IGF1R: variants seen among roughly 807,000 people sequenced by gnomAD.
IGF1R encodes insulin-like growth factor 1 receptor.
Under a neutral mutation model 144.6 loss-of-function variants are expected in IGF1R, and 44 were observed. The ratio of observed to expected loss-of-function variants is 0.30; its 90% CI spans 0.24 to 0.39. The LOEUF (loss-of-function observed/expected upper bound fraction) is 0.39. IGF1R is among the 10% of genes least tolerant of loss of function. IGF1R has a pLI of 1.00. For synonymous variants in IGF1R, 795 were observed against 722.8 expected, an observed-to-expected ratio of 1.10 and a Z score of -1.60; for missense variants, 1,355 against 1,833.7, an observed-to-expected ratio of 0.74 and a Z score of 4.77.
At chr15:98,916,235 C>A (rs1245221467) in intron 9 of IGF1R, 104 bp downstream of exon 9, 20 of 1,003,624 alleles carry the variant, frequency 2.0e-5, no homozygotes, top group Non-Finnish European at 2.7e-5. Flanking sequence ...CAGTGTAGTT[C>A]TCCATTGGAA....
intron 2 of IGF1R, among the ~76,000 whole-genome samples, chr15:98,884,255 T>C (rs895757077): frequency 1.3e-5 from 2 of 152,206 alleles, no homozygotes; most frequent in Non-Finnish European, 2.9e-5. Flanking sequence ...TCCATCCATC[T>C]GCTGACCACA....
At chr15:98,835,104 C>CCCCT (rs2057072727) in intron 2 of IGF1R, among the ~76,000 whole-genome samples, 24 of 150,324 alleles carry the variant, frequency 1.6e-4, no homozygotes, top group African/African-American at 5.6e-4. Flanking sequence ...CACACACACA[C>CCCCT]ACACACCCCT....
chr15:98,936,615 T>TA (rs2016160272), intron 17 of IGF1R, among the ~76,000 whole-genome samples: 1 of 90,190 alleles, frequency 1.1e-5, no homozygotes, highest in African/African-American at 3.4e-5. Context: ...TTGGGCTTAA[T>TA]TTTTTTTTTT....
chr15:98,774,536 C>G (rs1372359289), intron 2 of IGF1R, among the ~76,000 whole-genome samples: 1 of 152,180 alleles, frequency 6.6e-6, no homozygotes, highest in Non-Finnish European at 1.5e-5. Context: ...GACATTCTGA[C>G]ACATGCAACA....
chr15:98,661,201 T>C (rs2052590000), intron 1 of IGF1R, among the ~76,000 whole-genome samples: 1 of 152,192 alleles, frequency 6.6e-6, no homozygotes, highest in Non-Finnish European at 1.5e-5. Context: ...GCCTCACTCC[T>C]GGGAGGGACA....
intron 2 of IGF1R, among the ~76,000 whole-genome samples, chr15:98,741,205 G>A: frequency 9.7e-6 from 1 of 102,910 alleles, no homozygotes; most frequent in African/African-American, 4.0e-5. Context: ...TTGCAGTTCT[G>A]TTGATATGGC....
chr15:98,774,763 G>A (rs74032597), intron 2 of IGF1R, among the ~76,000 whole-genome samples: 196 of 152,244 alleles, frequency 1.3e-3, no homozygotes, highest in African/African-American at 4.0e-3. Flanking sequence ...AAGTTCTGGA[G>A]GTGGCTGGCG....
chr15:98,819,492 G>C (rs1304051172), intron 2 of IGF1R, among the ~76,000 whole-genome samples: 1 of 152,052 alleles, frequency 6.6e-6, no homozygotes, highest in African/African-American at 2.4e-5. Flanking sequence ...GGTGCCCTCC[G>C]TGAACCAGAA....
At position 98,851,236 on chromosome 15, in the gene IGF1R, C is replaced by T. The variant is rs565152859; in HGVS notation, c.641-40089C>T. On this transcript the variant is annotated intron_variant, in intron 2 of 20. Transcript: ENST00000650285. Reference sequence around the variant, plus strand: ...TGCTTGGAGAGGAGGGGGTGCTTTACATGCCAGGCGGGCAGGGCCGGGGTG... The same window carrying T: ...TGCTTGGAGAGGAGGGGGTGCTTTATATGCCAGGCGGGCAGGGCCGGGGTG... Among the ~76,000 whole-genome samples, 3 of 152,252 alleles carry T rather than the reference C, an allele frequency of 2.0e-5. No homozygotes were observed. In the South Asian group the frequency reaches 6.2e-4, roughly 32 times the overall value.
At chr15:98,680,574 C>T (rs950219052) in intron 1 of IGF1R, among the ~76,000 whole-genome samples, 6 of 151,454 alleles carry the variant, frequency 4.0e-5, no homozygotes, top group South Asian at 4.2e-4. Flanking sequence ...CCTTTTGTTT[C>T]GTTTTTAAGA....
chr15:98,874,565 A>T (rs1361035251), intron 2 of IGF1R, among the ~76,000 whole-genome samples: 1 of 152,216 alleles, frequency 6.6e-6, no homozygotes, highest in East Asian at 1.9e-4. Context: ...GTGGGCTCAG[A>T]GGCTGGGGAC....
chr15:98,822,239 C>G, intron 2 of IGF1R, among the ~76,000 whole-genome samples: 1 of 152,106 alleles, frequency 6.6e-6, no homozygotes. Context: ...CAAGTCATCT[C>G]GTGTGGTGCA....
At chr15:98,953,910 A>G (rs1247860686) in intron 20 of IGF1R, among the ~76,000 whole-genome samples, 1 of 152,182 alleles carries the variant, frequency 6.6e-6, no homozygotes, top group Non-Finnish European at 1.5e-5. Context: ...AGTTAGCCCC[A>G]GTAAGCTCAC....
chr15:98,769,953 T>C (rs1461723915), intron 2 of IGF1R, among the ~76,000 whole-genome samples: 1 of 152,206 alleles, frequency 6.6e-6, no homozygotes, highest in Non-Finnish European at 1.5e-5. Flanking sequence ...CGGTGAGTGT[T>C]AATCTCCCGC....
At chr15:98,678,777 G>A (rs2053112383) in intron 1 of IGF1R, among the ~76,000 whole-genome samples, 1 of 152,122 alleles carries the variant, frequency 6.6e-6, no homozygotes, top group South Asian at 2.1e-4. Flanking sequence ...ACCTGCCTTC[G>A]CCTCCCAAGG....
At chr15:98,650,876 G>A in intron 1 of IGF1R, 1 of 982,000 alleles carries the variant, frequency 1.0e-6, no homozygotes, top group Non-Finnish European at 1.2e-6. Context: ...TTTTGGTGGT[G>A]TCGGGTGGGG....
At chr15:98,685,580 C>T (rs545472269) in intron 1 of IGF1R, among the ~76,000 whole-genome samples, 1 of 152,326 alleles carries the variant, frequency 6.6e-6, no homozygotes, top group African/African-American at 2.4e-5. Context: ...GTGGCTCTTT[C>T]CACGACTGGC....
intron 2 of IGF1R, among the ~76,000 whole-genome samples, chr15:98,719,655 G>A (rs2054201345): frequency 6.6e-6 from 1 of 152,200 alleles, no homozygotes; most frequent in Admixed American, 6.5e-5. Flanking sequence ...GAGGTGTACT[G>A]GTGGCTGTGC....
rs1386504777 is a variant in IGF1R, at chr15:98,916,820, G to A, written c.2145G>A (p.Glu715=). Residue 715 remains glutamate (E), a synonymous_variant, in exon 10 of 21, where the codon GAG becomes GAA. Transcript: ENST00000650285. The part of the protein sequence containing the change: ...TEAEKQAEKE[E]AEYRKVFENF... ...CCGAGAAGCAGGCCGAGAAGGAGGA[G>A]GCTGAATACCGCAAAGTCTTTGAGA... 2 of 1,614,086 alleles carry A rather than the reference G, an allele frequency of 1.2e-6. No individual in the cohort carries two copies. The highest frequency in any genetic ancestry group is 2.2e-5 in the East Asian group (1 of 44,872).
Sources: allele counts gnomAD v4.1 joint callset (sites outside exome capture counted in the v4.1 genomes callset), GRCh38; gene constraint gnomAD v4.1.1; transcripts MANE v1.5; gene names NCBI Gene and HGNC (gene_info 2026-07-23, HGNC 2026-07-21).